Variants in ASB4 observed in about 807,000 individuals in gnomAD.
The protein encoded by ASB4 is ankyrin repeat and SOCS box protein 4.
ASB4 carries 35 observed loss-of-function variants against 38.6 expected under a neutral mutation model. That is an observed-to-expected ratio of 0.91 (90% CI 0.69 to 1.20). ASB4 has a LOEUF of 1.20. Ranked by LOEUF, ASB4 falls within the 50% of genes most tolerant of loss-of-function variation. The probability of loss-of-function intolerance (pLI) is 0.00; values close to 1 mark genes in which losing one functional copy is unlikely to be tolerated. For missense variants in ASB4, 557 were observed against 527.2 expected, an observed-to-expected ratio of 1.06 and a Z score of -0.55; for synonymous variants, 195 against 201.3, an observed-to-expected ratio of 0.97 and a Z score of 0.26.
At chr7:95,510,868 G>C (rs1790469869) in intron 2 of ASB4, among the ~76,000 whole-genome samples, 2 of 152,212 alleles carry the variant, frequency 1.3e-5, no homozygotes, top group South Asian at 4.2e-4. Flanking sequence ...GTTTCCTTAG[G>C]CCTGTACTTC....
upstream of ASB4, among the ~76,000 whole-genome samples, chr7:95,483,254 C>T (rs1790039150): frequency 6.6e-6 from 1 of 152,196 alleles, no homozygotes; most frequent in African/African-American, 2.4e-5. Flanking sequence ...ACTCTTACTG[C>T]TGACTGCTAT....
At chr7:95,536,728 T>A (rs1210932447) in intron 4 of ASB4, among the ~76,000 whole-genome samples, 178 bp downstream of exon 4, 1 of 152,186 alleles carries the variant, frequency 6.6e-6, no homozygotes, top group East Asian at 1.9e-4. Flanking sequence ...CCATCAAATA[T>A]GTGGCATTAA....
At chr7:95,530,379 G>GAGGCT (rs1482342679) in intron 3 of ASB4, among the ~76,000 whole-genome samples, 1 of 152,066 alleles carries the variant, frequency 6.6e-6, no homozygotes, top group Non-Finnish European at 1.5e-5. Context: ...GCAGGAGAAT[G>GAGGCT]GCTTGAACCC....
chr7:95,519,433 A>G (rs1457983042), intron 2 of ASB4, among the ~76,000 whole-genome samples: 3 of 152,272 alleles, frequency 2.0e-5, no homozygotes, highest in African/African-American at 4.8e-5. Context: ...TGCTCAAAAA[A>G]GAGCAGACAC....
At chr7:95,527,488 A>C (rs974312886) in intron 2 of ASB4, among the ~76,000 whole-genome samples, 1 of 152,224 alleles carries the variant, frequency 6.6e-6, no homozygotes, top group Non-Finnish European at 1.5e-5. Context: ...AAGAAGATTT[A>C]GTTGTAGAAA....
intron 2 of ASB4, among the ~76,000 whole-genome samples, chr7:95,523,014 T>A (rs1470741670): frequency 1.3e-5 from 2 of 152,146 alleles, no homozygotes; most frequent in Non-Finnish European, 2.9e-5. Context: ...TAGGGTATAG[T>A]TTATAGAAAT....
At chr7:95,481,648 G>T (rs759938492), upstream of ASB4, among the ~76,000 whole-genome samples, 1 of 152,188 alleles carries the variant, frequency 6.6e-6, no homozygotes, top group Non-Finnish European at 1.5e-5. Flanking sequence ...ATAAACCAAG[G>T]AGCCATTTGT....
At chr7:95,518,762 C>T (rs2116630597) in intron 2 of ASB4, among the ~76,000 whole-genome samples, 1 of 152,226 alleles carries the variant, frequency 6.6e-6, no homozygotes, top group African/African-American at 2.4e-5. Context: ...TTATCATTGC[C>T]ACACAATTTG....
chr7:95,515,217 C>CT (rs752644523), intron 2 of ASB4, among the ~76,000 whole-genome samples: 6 of 113,624 alleles, frequency 5.3e-5, no homozygotes, highest in African/African-American at 2.6e-4. Context: ...TTCTTTCTTT[C>CT]TTTCTTTCTT....
intron 1 of ASB4, among the ~76,000 whole-genome samples, chr7:95,488,617 G>A (rs951016517): frequency 2.0e-5 from 3 of 152,200 alleles, no homozygotes; most frequent in African/African-American, 4.8e-5. Flanking sequence ...AAGGTATGTG[G>A]CTGGATTAAA....
At chr7:95,478,629 C>T (rs1285498893) in intron 1 of ASB4, 1 of 152,146 alleles carries the variant, frequency 6.6e-6, no homozygotes, top group Non-Finnish European at 1.5e-5. Context: ...TTTAAATACT[C>T]TTACATGAAA....
upstream of ASB4, among the ~76,000 whole-genome samples, chr7:95,483,208 C>T (rs1790038553): frequency 6.6e-6 from 1 of 152,182 alleles, no homozygotes; most frequent in African/African-American, 2.4e-5. Flanking sequence ...TGAGGACCCC[C>T]TTTTCTTTCA....
In ASB4 at chr7:95,527,892, G is replaced by T; in HGVS notation, c.567G>T (p.Glu189Asp). ...CGGCTGCCCACTTCGGCCTTTCGGA[G>T]CTGGTGGCCTTCTACGTGGAACACG... ...LHTAAHFGLS[E>D]LVAFYVEHGA... Residue 189 changes from glutamate (E) to aspartate (D), a missense_variant, in exon 3 of 5, where the codon GAG becomes GAT. Physicochemically the swap from Glu to Asp is conservative, Grantham distance 45. Coordinates refer to ENST00000325885, the MANE Select transcript of ASB4 (RefSeq NM_016116.3). The T allele has an allele frequency of 6.2e-7, 1 of 1,614,014 alleles. No individual in the cohort carries two copies. The highest frequency in any genetic ancestry group is 8.5e-7 in the Non-Finnish European group (1 of 1,179,994).
chr7:95,473,264 A>G, the ASB4 span, among the ~76,000 whole-genome samples: 7 of 152,246 alleles, frequency 4.6e-5, no homozygotes, highest in African/African-American at 1.7e-4. Context: ...ATCTTCTAGC[A>G]TTTACTATGC....
At chr7:95,519,457 A>G (rs1265725967) in intron 2 of ASB4, among the ~76,000 whole-genome samples, 1 of 152,254 alleles carries the variant, frequency 6.6e-6, no homozygotes. Context: ...TAATATTTTC[A>G]TAAAAGAATG....
chr7:95,488,524 G>T (rs1247205304), intron 1 of ASB4, among the ~76,000 whole-genome samples: 1 of 152,196 alleles, frequency 6.6e-6, no homozygotes, highest in Non-Finnish European at 1.5e-5. Context: ...AGGCAACAGC[G>T]TGGAGCTGAG....
At chr7:95,483,407 C>G (rs1585791002), upstream of ASB4, among the ~76,000 whole-genome samples, 2 of 152,278 alleles carry the variant, frequency 1.3e-5, no homozygotes, top group East Asian at 1.9e-4. Flanking sequence ...GAGGGAAAGC[C>G]TGAACTCTCA....
upstream of ASB4, among the ~76,000 whole-genome samples, chr7:95,474,691 TA>T (rs947876270): frequency 1.2e-4 from 18 of 151,778 alleles, no homozygotes; most frequent in South Asian, 6.2e-4. Flanking sequence ...CAGGCTAATT[TA>T]AAAAAAAATT....
chr7:95,529,867 G>A (rs904755511), intron 3 of ASB4, among the ~76,000 whole-genome samples: 7 of 152,038 alleles, frequency 4.6e-5, no homozygotes, highest in African/African-American at 1.4e-4. Context: ...AAAGCTAATA[G>A]TGTTAATATA....
Sources: allele counts gnomAD v4.1 joint callset (sites outside exome capture counted in the v4.1 genomes callset), GRCh38; gene constraint gnomAD v4.1.1; transcripts MANE v1.5; gene names NCBI Gene and HGNC (gene_info 2026-07-23, HGNC 2026-07-21).